EHMT1: variants seen among roughly 807,000 people sequenced by gnomAD.
EHMT1 encodes the protein euchromatic histone lysine methyltransferase 1.
EHMT1 carries 15 observed loss-of-function variants against 147.2 expected under a neutral mutation model. That is an observed-to-expected ratio of 0.10 (90% CI 0.07 to 0.16). EHMT1 has a LOEUF of 0.16. EHMT1 is among the 10% of genes least tolerant of loss of function. The pLI is 1.00. For missense variants in EHMT1, 1,587 were observed against 1,772.4 expected, an observed-to-expected ratio of 0.90 and a Z score of 1.88; for synonymous variants, 795 against 709.6, an observed-to-expected ratio of 1.12 and a Z score of -1.91.
intron 1 of EHMT1, among the ~76,000 whole-genome samples, chr9:137,629,118 G>GT (rs1843449813): frequency 6.7e-6 from 1 of 148,964 alleles, no homozygotes; most frequent in South Asian, 2.1e-4. Context: ...TTGAGATGGA[G>GT]TTTCGCTCTC....
chr9:137,826,423 C>T (rs1056157144), intron 25 of EHMT1, among the ~76,000 whole-genome samples: 3 of 152,228 alleles, frequency 2.0e-5, no homozygotes, highest in Non-Finnish European at 2.9e-5. Context: ...AGCTGCAGGC[C>T]GTGGCCTCTG....
chr9:137,784,123 C>A (rs1234986671), intron 15 of EHMT1: 1 of 1,504,308 alleles, frequency 6.6e-7, no homozygotes, highest in East Asian at 2.5e-5. Flanking sequence ...GGCTGGGAAG[C>A]CCAAGGTCGA....
At chr9:137,625,918 C>A (rs894352613) in intron 1 of EHMT1, among the ~76,000 whole-genome samples, 1 of 150,696 alleles carries the variant, frequency 6.6e-6, no homozygotes, top group Non-Finnish European at 1.5e-5. Context: ...TGCAGTGGGG[C>A]GATCTCGGCT....
chr9:137,781,356 A>AGACGTGTGGTGATGACGCTGG (rs1951522491), intron 14 of EHMT1, among the ~76,000 whole-genome samples: 1 of 101,176 alleles, frequency 9.9e-6, no homozygotes, highest in Admixed American at 9.8e-5. Context: ...GATGACGCTG[A>AGACGTGTGGTGATGACGCTGG]GACGTGTGGT....
intron 4 of EHMT1, among the ~76,000 whole-genome samples, chr9:137,737,753 G>T (rs1200230528): frequency 6.6e-6 from 1 of 152,096 alleles, no homozygotes; most frequent in African/African-American, 2.4e-5. Context: ...TTGGCTAGTC[G>T]TAAAGAAAAG....
chr9:137,733,418 A>T (rs979275119), intron 4 of EHMT1, among the ~76,000 whole-genome samples: 7 of 152,268 alleles, frequency 4.6e-5, no homozygotes, highest in African/African-American at 9.6e-5. Context: ...CCAGGAATTC[A>T]TCTCCTCACC....
intron 1 of EHMT1, among the ~76,000 whole-genome samples, chr9:137,701,795 A>AT (rs55956191): frequency 2.9e-4 from 29 of 101,050 alleles, no homozygotes; most frequent in Non-Finnish European, 4.6e-4. Context: ...GCCTGGTTAA[A>AT]TTTTTTTTTT....
Position 137,778,046 on chromosome 9 carries a change from A to G in EHMT1, c.2183A>G (p.Asp728Gly). The G allele has an allele frequency of 7.4e-6, 12 of 1,613,486 alleles. No individual in the cohort carries two copies. The highest frequency in any genetic ancestry group is 1.0e-5 in the Non-Finnish European group (12 of 1,179,960). ...TTGGAGAGCGCTCTCATCGCCCTCG[A>G]CTCGGAAAAGTAAGACCTGACATGT... The part of the protein sequence containing the change: ...ETLESALIAL[D>G]SEKPKKLRFH... Residue 728 changes from aspartate (D) to glycine (G), a missense_variant, in exon 13 of 27, where the codon GAC becomes GGC. Transcript: ENST00000460843.
intron 1 of EHMT1, among the ~76,000 whole-genome samples, chr9:137,705,472 T>C (rs574578534): frequency 3.9e-5 from 6 of 152,384 alleles, no homozygotes; most frequent in African/African-American, 1.4e-4. Flanking sequence ...AATTGGAATG[T>C]GTGCATGCTT....
Position 137,743,323 on chromosome 9 carries a change from G to A in EHMT1, c.824-48G>A, listed in dbSNP as rs1378808760. On this transcript the variant is annotated intron_variant, in intron 4 of 26. Coordinates refer to ENST00000460843, the MANE Select transcript of EHMT1 (RefSeq NM_024757.5). ...TACCTTTGAAAAACATTTGAATGGT[G>A]TTTCTTTTCCTTTCTTGTCCCCTTT... 7 of 1,526,540 alleles carry A rather than the reference G, an allele frequency of 4.6e-6. No individual in the cohort carries two copies. In the South Asian group the frequency reaches 7.4e-5, roughly 16 times the overall value. 94.6% of individuals were successfully genotyped at this position (1,526,540 alleles called of 1,614,324 possible).
At chr9:137,804,936 C>T (rs549021081) in intron 18 of EHMT1, among the ~76,000 whole-genome samples, 1 of 152,306 alleles carries the variant, frequency 6.6e-6, no homozygotes, top group African/African-American at 2.4e-5. Context: ...ATTTGCATGT[C>T]TGTCAGTCAT....
chr9:137,691,517 C>A (rs1942934750), intron 1 of EHMT1, among the ~76,000 whole-genome samples: 1 of 151,922 alleles, frequency 6.6e-6, no homozygotes, highest in African/African-American at 2.4e-5. Flanking sequence ...TTTTGTTTGT[C>A]CATTAGTGGA....
At chr9:137,769,085 C>T (rs1375584056) in intron 10 of EHMT1, among the ~76,000 whole-genome samples, 1 of 152,094 alleles carries the variant, frequency 6.6e-6, no homozygotes, top group Non-Finnish European at 1.5e-5. Context: ...GAATGGTTTC[C>T]CTGGAGTGTA....
At chr9:137,653,530 CT>C (rs946218986) in intron 1 of EHMT1, among the ~76,000 whole-genome samples, 2 of 149,756 alleles carry the variant, frequency 1.3e-5, no homozygotes, top group African/African-American at 4.9e-5. Flanking sequence ...TTTTCTCTTT[CT>C]TTTTTTTTTC....
chr9:137,623,106 G>C (rs1055202742), intron 1 of EHMT1, among the ~76,000 whole-genome samples: 2 of 151,480 alleles, frequency 1.3e-5, no homozygotes, highest in African/African-American at 4.9e-5. Context: ...CCAGCTACTC[G>C]GGAGGCTGAG....
At chr9:137,636,491 T>G (rs182860084) in intron 1 of EHMT1, among the ~76,000 whole-genome samples, 2 of 152,262 alleles carry the variant, frequency 1.3e-5, no homozygotes, top group East Asian at 3.9e-4. Flanking sequence ...AGAGGAAAGC[T>G]TTTAGTTTTT....
intron 1 of EHMT1, among the ~76,000 whole-genome samples, chr9:137,696,861 G>C (rs1327724552): frequency 3.3e-5 from 5 of 152,174 alleles, no homozygotes; most frequent in African/African-American, 1.2e-4. Flanking sequence ...AGTTCCAGGG[G>C]AGCATGCCTG....
At chr9:137,814,055 GGCC>G (rs1564812023) in intron 21 of EHMT1, among the ~76,000 whole-genome samples, 1 of 39,776 alleles carries the variant, frequency 2.5e-5, no homozygotes, top group Admixed American at 1.8e-4. Flanking sequence ...GCACTGCCCA[GGCC>G]CCCCCCCCCC....
chr9:137,721,070 G>A lies in EHMT1; in HGVS notation c.642+3888G>A, dbSNP rs116959029. On this transcript the variant is annotated intron_variant, in intron 3 of 26. Transcript: ENST00000460843. Reference sequence around the variant, plus strand: ...TTTATTTAGCGCTTCTGTTGGGTGCGCTGGTGTTTCCTCGAGGCTTCAGCG... The same window carrying A: ...TTTATTTAGCGCTTCTGTTGGGTGCACTGGTGTTTCCTCGAGGCTTCAGCG... Among the ~76,000 whole-genome samples the A allele has an allele frequency of 5.6e-4, 85 of 152,036 alleles. No individual in the cohort carries two copies. In the East Asian group the frequency reaches 0.015, roughly 28 times the overall value.
Sources: allele counts gnomAD v4.1 joint callset (sites outside exome capture counted in the v4.1 genomes callset), GRCh38; gene constraint gnomAD v4.1.1; transcripts MANE v1.5; gene names NCBI Gene and HGNC (gene_info 2026-07-23, HGNC 2026-07-21).